N4BP2: variants seen among roughly 807,000 people sequenced by gnomAD.
N4BP2 encodes NEDD4 binding protein 2, also known as NEDD4-binding protein 2.
In N4BP2, 91 loss-of-function variants were observed where a neutral mutation model predicts 152.8. The observed-to-expected ratio is 0.60, with a 90% CI of 0.50 to 0.71. N4BP2 has a LOEUF of 0.71. N4BP2 is among the 30% of genes least tolerant of loss of function. The probability of loss-of-function intolerance (pLI) is 0.00; values close to 1 mark genes in which losing one functional copy is unlikely to be tolerated. For missense variants in N4BP2, 1,923 were observed against 2,059.1 expected (o/e 0.93, Z 1.28); for synonymous variants, 646 against 705.3 (o/e 0.92, Z 1.33).
Position 40,150,298 on chromosome 4 carries a change from A to G in N4BP2, c.5144-2482A>G, listed in dbSNP as rs145379837. 5.9e-5 allele frequency among the ~76,000 whole-genome samples: 9 copies of G among 152,352 alleles called. No individual in the cohort carries two copies. In the East Asian group the frequency reaches 1.2e-3, roughly 20 times the overall value. On this transcript the variant is annotated intron_variant, in intron 16 of 17. Transcript: ENST00000261435. ...AACCTTTAGAACTGACTACCATTTT[A>G]TAGGGATTTACAGGGGACAGAGGAA... is the stretch of plus-strand genomic sequence containing the variant.
Position 40,074,277 on chromosome 4 carries a change from G to T in N4BP2, c.-115+726G>T, listed in dbSNP as rs970060921. Among the ~76,000 whole-genome samples, 5 of 152,070 alleles carry T rather than the reference G, an allele frequency of 3.3e-5. No individual in the cohort carries two copies. The South Asian group carries it at 8.3e-4, about 25-fold the overall frequency. On this transcript the variant is annotated intron_variant, in intron 2 of 17. Coordinates refer to ENST00000261435, the MANE Select transcript of N4BP2 (RefSeq NM_018177.6). The stretch of plus-strand genomic sequence containing the variant: ...AGCTAATTTTTGTATTTTTAGTAGC[G>T]ATGGGGTTTCACATATTGGTCAGGC...
chr4:40,068,913 G>A (rs1332412068), intron 1 of N4BP2, among the ~76,000 whole-genome samples: 2 of 152,068 alleles, frequency 1.3e-5, no homozygotes, highest in Admixed American at 6.6e-5. Context: ...GAGGTCAGGG[G>A]TTCAAGACCA....
chr4:40,187,589 G>C, the N4BP2 span, among the ~76,000 whole-genome samples: 2 of 152,170 alleles, frequency 1.3e-5, no homozygotes, highest in Non-Finnish European at 2.9e-5. Flanking sequence ...CAAAGCACTA[G>C]GATTACAAGC....
At chr4:40,179,759 CT>C in the N4BP2 span, among the ~76,000 whole-genome samples, 7,684 of 109,178 alleles carry the variant, frequency 0.07, 247 homozygotes, top group East Asian at 0.35. Context: ...TAAAGCCTTT[CT>C]TTTTTTTTTT....
intron 14 of N4BP2, among the ~76,000 whole-genome samples, chr4:40,140,824 A>C (rs1719856043): frequency 6.6e-6 from 1 of 151,530 alleles, no homozygotes; most frequent in African/African-American, 2.4e-5. Context: ...GCATCTGTTT[A>C]ACAAAGCACA....
intron 16 of N4BP2, among the ~76,000 whole-genome samples, chr4:40,147,542 GC>G (rs1301261809): frequency 5.5e-5 from 8 of 146,598 alleles, no homozygotes; most frequent in African/African-American, 1.3e-4. Context: ...GGGCAGAGGC[GC>G]CCCCCACCTC....
chr4:40,127,211 T>G (rs1287260409), intron 12 of N4BP2, among the ~76,000 whole-genome samples: 2 of 151,718 alleles, frequency 1.3e-5, no homozygotes, highest in Admixed American at 1.3e-4. Context: ...TTCTTCTTTT[T>G]TTCTTTTTTT....
intron 3 of N4BP2, chr4:40,100,217 A>G (rs1715506865): frequency 2.6e-6 from 1 of 380,592 alleles, no homozygotes; most frequent in Non-Finnish European, 5.4e-6. Flanking sequence ...AGCAGTAGAG[A>G]TTTAAATGTT....
intron 16 of N4BP2, among the ~76,000 whole-genome samples, chr4:40,149,102 GC>G (rs1560647546): frequency 6.6e-6 from 1 of 152,124 alleles, no homozygotes; most frequent in Non-Finnish European, 1.5e-5. Flanking sequence ...CAGTAATTCT[GC>G]CCCTAACTAT....
chr4:40,142,179 G>T (rs794003), intron 14 of N4BP2: 144,292 of 192,498 alleles, frequency 0.75, 55,109 homozygotes, highest in East Asian at 0.97. Context: ...GTGTAACCTT[G>T]GTAACTTCAC....
In N4BP2 at chr4:40,122,023, T is replaced by A; in HGVS notation, c.3912T>A (p.Tyr1304Ter). ...ATCTTGAATTAAATGAAGAAATTTATTTTACTGATTCTCTTGAAATAAAGA... is the reference window on the plus strand; with the variant it reads ...ATCTTGAATTAAATGAAGAAATTTAATTTACTGATTCTCTTGAAATAAAGA... Reference protein sequence around the residue: ...TSNLELNEEIYFTDSLEIKRN... With the variant: ...TSNLELNEEI Residue 1304 changes from tyrosine (Y) to a stop codon, truncating the protein, a stop_gained, in exon 9 of 18, where the codon TAT becomes TAA. Transcript: ENST00000261435. LOFTEE classifies it high-confidence loss of function. 6.5e-7 allele frequency: 1 copy of A among 1,541,774 alleles called. No individual in the cohort carries two copies. The highest frequency in any genetic ancestry group is 8.8e-7 in the Non-Finnish European group (1 of 1,140,888).
chr4:40,060,054 G>A (rs555492680), intron 1 of N4BP2, among the ~76,000 whole-genome samples: 5 of 151,030 alleles, frequency 3.3e-5, no homozygotes, highest in African/African-American at 9.7e-5. Context: ...GGCTGCTCTC[G>A]AACTCCTGAG....
chr4:40,173,721 C>T, the N4BP2 span, among the ~76,000 whole-genome samples: 1 of 152,222 alleles, frequency 6.6e-6, no homozygotes, highest in African/African-American at 2.4e-5. Context: ...AAACTGTGTT[C>T]TCACTGCAGA....
intron 2 of N4BP2, among the ~76,000 whole-genome samples, chr4:40,092,008 T>TCATATATA (rs1491368293): frequency 7.4e-5 from 2 of 27,202 alleles, no homozygotes; most frequent in African/African-American, 1.5e-4. Flanking sequence ...AAAAAAAAAA[T>TCATATATA]TATATATATA....
In N4BP2 at chr4:40,121,191, AAATAG is replaced by A; in HGVS notation, c.3083_3087del (p.Ile1028LysfsTer3). 6.2e-7 allele frequency: 1 copy of A among 1,614,084 alleles called. No individual in the cohort carries two copies. The highest frequency in any genetic ancestry group is 8.5e-7 in the Non-Finnish European group (1 of 1,180,010). ...CCACAGGATTTTGCTCTTTTATGGA[AAATAG>A]AAAAGAATAAAATTAGCATTTCAGA... On this transcript the variant is annotated frameshift_variant, in exon 9 of 18. Coordinates refer to ENST00000261435, the MANE Select transcript of N4BP2 (RefSeq NM_018177.6). LOFTEE classifies it high-confidence loss of function.
chr4:40,057,822 C>T (rs924935411), intron 1 of N4BP2, among the ~76,000 whole-genome samples: 1 of 151,894 alleles, frequency 6.6e-6, no homozygotes, highest in Non-Finnish European at 1.5e-5. Flanking sequence ...ATGTAGATGA[C>T]AGGTCAGTGT....
chr4:40,095,056 G>T (rs1003700195), intron 2 of N4BP2, among the ~76,000 whole-genome samples: 3 of 150,618 alleles, frequency 2.0e-5, no homozygotes, highest in African/African-American at 7.3e-5. Context: ...GATTACAGTC[G>T]CGAGCCCCTG....
At chr4:40,185,672 CA>C in the N4BP2 span, among the ~76,000 whole-genome samples, 1 of 151,730 alleles carries the variant, frequency 6.6e-6, no homozygotes, top group Non-Finnish European at 1.5e-5. Context: ...TTAAAAAAAG[CA>C]AAAAACATTT....
chr4:40,169,659 T>TAAA, the N4BP2 span, among the ~76,000 whole-genome samples: 1 of 141,406 alleles, frequency 7.1e-6, no homozygotes, highest in South Asian at 2.2e-4. Flanking sequence ...TGCTCATCTT[T>TAAA]AAAAAAAAAA....
Sources: gnomAD v4.1 joint callset for allele counts (sites outside exome capture counted in the v4.1 genomes callset) on GRCh38, gnomAD v4.1.1 for gene constraint, MANE v1.5 for transcripts, NCBI Gene and HGNC (gene_info 2026-07-23, HGNC 2026-07-21) for gene names.